Variants in TMEM135 observed in about 807,000 individuals in gnomAD.
The protein encoded by TMEM135 is transmembrane protein 135.
In TMEM135, 30 loss-of-function variants were observed where a neutral mutation model predicts 60.3. The observed-to-expected ratio is 0.50, with a 90% CI of 0.37 to 0.68. TMEM135 has a LOEUF of 0.68. Among genes scored for constraint, TMEM135 ranks in the 30% least tolerant of loss-of-function variants. The probability of loss-of-function intolerance (pLI) is 0.00; values close to 1 mark genes in which losing one functional copy is unlikely to be tolerated. For missense variants in TMEM135, 468 were observed against 548.8 expected (o/e 0.85, Z 1.47); for synonymous variants, 190 against 186.7 (o/e 1.02, Z -0.14).
intron 4 of TMEM135, among the ~76,000 whole-genome samples, chr11:87,100,722 C>T (rs543600070): frequency 1.3e-5 from 2 of 152,026 alleles, no homozygotes; most frequent in African/African-American, 4.8e-5. Flanking sequence ...ATTAGCCAGG[C>T]GTGGTGGCAT....
chr11:87,053,659 G>T lies in TMEM135; in HGVS notation c.142-14035G>T, dbSNP rs139450219. ...ATGTGAAATATGTTTTCATCCCCAA[G>T]GACTTAAACTGGGCACATAGAATGC... On this transcript the variant is annotated intron_variant, in intron 1 of 14. Transcript: ENST00000305494. Among the ~76,000 whole-genome samples the T allele has an allele frequency of 3.5e-4, 53 of 152,186 alleles. No individual in the cohort carries two copies. In the East Asian group the frequency reaches 9.5e-3, roughly 27 times the overall value.
At chr11:87,250,732 T>A (rs2135390799) in intron 6 of TMEM135, among the ~76,000 whole-genome samples, 1 of 152,322 alleles carries the variant, frequency 6.6e-6, no homozygotes, top group South Asian at 2.1e-4. Context: ...TAAAAATACA[T>A]AAGAACCTAG....
chr11:87,249,287 GT>G (rs1382121152), intron 6 of TMEM135, among the ~76,000 whole-genome samples: 1 of 151,984 alleles, frequency 6.6e-6, no homozygotes, highest in East Asian at 1.9e-4. Context: ...GTTTTTGAGG[GT>G]TTTTATCATG....
At chr11:87,155,079 A>T (rs370903797) in intron 4 of TMEM135, among the ~76,000 whole-genome samples, 1 of 129,902 alleles carries the variant, frequency 7.7e-6, no homozygotes, top group East Asian at 2.8e-4. Flanking sequence ...GCTCACTGCA[A>T]CCTCCGTCTC....
At chr11:87,131,379 G>A (rs1407476169) in intron 4 of TMEM135, among the ~76,000 whole-genome samples, 7 of 101,514 alleles carry the variant, frequency 6.9e-5, no homozygotes, top group Non-Finnish European at 1.3e-4. Flanking sequence ...CTATGGTTTT[G>A]CCTTTTTCAG....
chr11:87,273,582 A>T (rs12294991), intron 6 of TMEM135, among the ~76,000 whole-genome samples: 1 of 152,138 alleles, frequency 6.6e-6, no homozygotes. Context: ...GTAAAAACTG[A>T]ACTAATAAAT....
chr11:87,312,895 C>T (rs1394389842), intron 10 of TMEM135, among the ~76,000 whole-genome samples: 1 of 151,834 alleles, frequency 6.6e-6, no homozygotes, highest in African/African-American at 2.4e-5. Context: ...TTTTCTATTT[C>T]CAGAACTCTG....
At chr11:87,180,510 A>G (rs1939488695) in intron 5 of TMEM135, among the ~76,000 whole-genome samples, 1 of 152,264 alleles carries the variant, frequency 6.6e-6, no homozygotes, top group South Asian at 2.1e-4. Context: ...GGCAGTAGGT[A>G]GAGAAAAAGA....
rs1385140021 is a variant in TMEM135, at chr11:87,322,413, T to A, written c.*1080T>A. 6.6e-6 allele frequency: 3 copies of A among 453,956 alleles called. No homozygotes were observed. The highest frequency in any genetic ancestry group is 6.0e-5 in the African/African-American group (3 of 50,096). 28.1% of individuals were successfully genotyped at this position (453,956 alleles called of 1,614,324 possible). A position where few individuals can be genotyped will look rare whatever the true frequency, so the allele number is the denominator to read the frequency against. ...TTCTTCTTGAATATCATTGTCACCA[T>A]TTTTACTGTTAGAATAAAGAGGTGA... On this transcript the variant is annotated 3_prime_UTR_variant, in exon 15 of 15. Transcript: ENST00000305494.
At chr11:87,255,131 G>T (rs547778820) in intron 6 of TMEM135, among the ~76,000 whole-genome samples, 16 of 152,058 alleles carry the variant, frequency 1.1e-4, no homozygotes, top group Non-Finnish European at 1.8e-4. Context: ...CTGACTAGAG[G>T]AATTTGGGAC....
chr11:87,300,391 A>G (rs1203661231), intron 7 of TMEM135, among the ~76,000 whole-genome samples: 1 of 152,230 alleles, frequency 6.6e-6, no homozygotes, highest in Non-Finnish European at 1.5e-5. Flanking sequence ...TATTCATCAT[A>G]GTTTAAAACA....
chr11:87,249,354 G>GT (rs1039822194), intron 6 of TMEM135, among the ~76,000 whole-genome samples: 1 of 152,180 alleles, frequency 6.6e-6, no homozygotes, highest in South Asian at 2.1e-4. Context: ...ATGAGCATAT[G>GT]TTTTTTGTTT....
At chr11:87,088,445 A>G (rs568079860) in intron 3 of TMEM135, among the ~76,000 whole-genome samples, 1 of 152,346 alleles carries the variant, frequency 6.6e-6, no homozygotes, top group Non-Finnish European at 1.5e-5. Flanking sequence ...CCAAGCAGAA[A>G]GAAACAAATA....
At chr11:87,298,414 T>C (rs1942385504) in intron 7 of TMEM135, among the ~76,000 whole-genome samples, 1 of 152,166 alleles carries the variant, frequency 6.6e-6, no homozygotes, top group African/African-American at 2.4e-5. Flanking sequence ...CTGTCCTTTA[T>C]CCATAAAGGA....
chr11:87,139,662 C>T (rs555573446), intron 4 of TMEM135, among the ~76,000 whole-genome samples: 1 of 152,238 alleles, frequency 6.6e-6, no homozygotes, highest in South Asian at 2.1e-4. Context: ...TTTGCCTTCC[C>T]GCCAGCAATA....
intron 5 of TMEM135, among the ~76,000 whole-genome samples, chr11:87,187,241 C>T (rs527456486): frequency 1.1e-4 from 16 of 152,206 alleles, no homozygotes; most frequent in African/African-American, 2.9e-4. Flanking sequence ...GGTTACATAG[C>T]GGTGCTTCAC....
chr11:87,172,445 G>C (rs1273417011), intron 5 of TMEM135, among the ~76,000 whole-genome samples: 1 of 150,444 alleles, frequency 6.6e-6, no homozygotes, highest in Non-Finnish European at 1.5e-5. Context: ...ACCTACTTTT[G>C]TTTTGTATTA....
At chr11:87,041,310 T>C (rs1278022599) in intron 1 of TMEM135, among the ~76,000 whole-genome samples, 1 of 151,390 alleles carries the variant, frequency 6.6e-6, no homozygotes, top group African/African-American at 2.4e-5. Context: ...ACTGAAAGAC[T>C]GAAGGACAGG....
At chr11:87,307,822 A>G (rs1398540919) in intron 9 of TMEM135, among the ~76,000 whole-genome samples, 1 of 152,188 alleles carries the variant, frequency 6.6e-6, no homozygotes, top group African/African-American at 2.4e-5. Flanking sequence ...ATAAATACTC[A>G]TATTAATTAC....
Sources: allele counts gnomAD v4.1 joint callset (sites outside exome capture counted in the v4.1 genomes callset), GRCh38; gene constraint gnomAD v4.1.1; transcripts MANE v1.5; gene names NCBI Gene and HGNC (gene_info 2026-07-23, HGNC 2026-07-21).